The following CIROZ variants were observed in gnomAD, a reference collection of about 807,000 sequenced individuals.
CIROZ encodes the protein ciliated left-right organizer ZP-N domains-containing protein.
chr1:10,948,025 T>A, the CIROZ span: 1 of 1,613,288 alleles, frequency 6.2e-7, no homozygotes, highest in Non-Finnish European at 8.5e-7. Context: ...AGAGGTTCCA[T>A]AGGAAGAACT....
chr1:10,972,953 TAA>T, the CIROZ span, among the ~76,000 whole-genome samples: 10 of 144,554 alleles, frequency 6.9e-5, no homozygotes, highest in African/African-American at 2.0e-4. Context: ...AAATTTAAAA[TAA>T]AAAAAAAAAG....
At chr1:10,980,326 C>T in the CIROZ span, among the ~76,000 whole-genome samples, 1 of 152,232 alleles carries the variant, frequency 6.6e-6, no homozygotes, top group Non-Finnish European at 1.5e-5. Flanking sequence ...CCTGGCTGCC[C>T]CGCTGCCCCG....
At chr1:10,949,288 G>C in the CIROZ span, 1 of 353,278 alleles carries the variant, frequency 2.8e-6, no homozygotes, top group East Asian at 6.1e-5. Flanking sequence ...CCTCTGGTGT[G>C]CCTCAGTTTC....
chr1:10,966,272 G>C, the CIROZ span: 1 of 1,394,342 alleles, frequency 7.2e-7, no homozygotes, highest in Non-Finnish European at 9.4e-7. Flanking sequence ...TAATGGTGCA[G>C]TGTCTCCTTA....
chr1:10,953,884 C>CT, the CIROZ span: 1 of 1,293,356 alleles, frequency 7.7e-7, no homozygotes, highest in Non-Finnish European at 1.0e-6. Context: ...CCTCACTTAC[C>CT]TTGTAGGTGT....
the CIROZ span, among the ~76,000 whole-genome samples, chr1:10,955,578 C>T: frequency 6.6e-6 from 1 of 152,146 alleles, no homozygotes; most frequent in Non-Finnish European, 1.5e-5. Context: ...CACAGTGGTC[C>T]ATGCCTGTAA....
chr1:10,949,166 G>A, the CIROZ span: 221 of 246,064 alleles, frequency 9.0e-4, no homozygotes, highest in African/African-American at 4.8e-3. Flanking sequence ...GGAGGCTGCA[G>A]TAAGCCAAGA....
At chr1:10,965,147 AC>A in the CIROZ span, among the ~76,000 whole-genome samples, 4 of 151,848 alleles carry the variant, frequency 2.6e-5, no homozygotes, top group Non-Finnish European at 5.9e-5. Flanking sequence ...CATAAGAAGA[AC>A]CCAAGTCTAA....
At chr1:10,977,222 G>C in the CIROZ span, among the ~76,000 whole-genome samples, 1 of 151,958 alleles carries the variant, frequency 6.6e-6, no homozygotes. Flanking sequence ...TGAATCTCGT[G>C]CCTATAATCC....
At chr1:10,955,527 T>C in the CIROZ span, among the ~76,000 whole-genome samples, 1 of 152,150 alleles carries the variant, frequency 6.6e-6, no homozygotes, top group African/African-American at 2.4e-5. Context: ...GCCCCTTCCA[T>C]TTCCAAAGCA....
the CIROZ span, among the ~76,000 whole-genome samples, chr1:10,960,363 C>CACTCACTCCAGCCTGGGCG: frequency 6.6e-6 from 1 of 152,226 alleles, no homozygotes; most frequent in South Asian, 2.1e-4. The surrounding 1 kb of genome is among the most constrained non-coding windows in gnomAD (Gnocchi z 4.6). Context: ...GAGATTGTCC[C>CACTCACTCCAGCCTGGGCG]ACTCACTCCA....
chr1:10,947,895 C>T, the CIROZ span: 11 of 1,613,358 alleles, frequency 6.8e-6, no homozygotes, highest in African/African-American at 1.3e-5. Flanking sequence ...TGCAACCCCC[C>T]ACTCCTCCTG....
At chr1:10,962,989 A>T in the CIROZ span, among the ~76,000 whole-genome samples, 17 of 152,250 alleles carry the variant, frequency 1.1e-4, no homozygotes, top group Non-Finnish European at 2.5e-4. Context: ...GCATGGTGTC[A>T]TACGCCTATA....
At chr1:10,965,810 G>A in the CIROZ span, among the ~76,000 whole-genome samples, 202 of 149,754 alleles carry the variant, frequency 1.3e-3, 1 homozygote, top group African/African-American at 4.7e-3. Flanking sequence ...GTGCCAGAGC[G>A]AGCCTCCGTC....
chr1:10,956,993 G>A, the CIROZ span: 1 of 1,529,438 alleles, frequency 6.5e-7, no homozygotes, highest in East Asian at 2.5e-5. Context: ...AGTTGGAAAG[G>A]TGGACATTAG....
the CIROZ span, chr1:10,949,766 G>T: frequency 6.3e-7 from 1 of 1,582,234 alleles, no homozygotes. Context: ...TGGTGGGGAG[G>T]GAGTGGTCCT....
the CIROZ span, among the ~76,000 whole-genome samples, chr1:10,972,420 TACACACACACACAC>T: frequency 2.1e-4 from 28 of 131,806 alleles, 1 homozygote; most frequent in Middle Eastern, 7.8e-3. Context: ...GTCTCTGAAA[TACACACACACACAC>T]ACACACACAC....
the CIROZ span, among the ~76,000 whole-genome samples, chr1:10,972,425 ACAC>A: frequency 0.038 from 5,316 of 139,344 alleles, 274 homozygotes; most frequent in African/African-American, 0.13. Flanking sequence ...TGAAATACAC[ACAC>A]ACACACACAC....
At chr1:10,957,597 C>G in the CIROZ span, 57 of 1,612,712 alleles carry the variant, frequency 3.5e-5, no homozygotes, top group Non-Finnish European at 4.7e-5. Flanking sequence ...CCTGGCAGAG[C>G]CTGCTGCCCA....
Sources: gnomAD v4.1 joint callset for allele counts (sites outside exome capture counted in the v4.1 genomes callset) on GRCh38, gnomAD v4.1.1 for gene constraint, Gnocchi (gnomAD v3.1) non-coding constraint, MANE v1.5 for transcripts, NCBI Gene and HGNC (gene_info 2026-07-23, HGNC 2026-07-21) for gene names.